POU2F3: variants seen among roughly 807,000 people sequenced by gnomAD.
POU2F3 encodes the protein POU domain, class 2, transcription factor 3.
A neutral mutation model predicts 59.2 loss-of-function variants in POU2F3; 23 were observed. That is an observed-to-expected ratio of 0.39 (90% confidence interval 0.28 to 0.55). The LOEUF (loss-of-function observed/expected upper bound fraction) is 0.55. Among genes scored for constraint, POU2F3 ranks in the 20% least tolerant of loss-of-function variants. The pLI, the probability that POU2F3 is intolerant of heterozygous loss-of-function variation, is 0.66. For missense variants in POU2F3, 473 were observed against 544.5 expected, an observed-to-expected ratio of 0.87 and a Z score of 1.31; for synonymous variants, 190 against 214.6, an observed-to-expected ratio of 0.89 and a Z score of 1.00.
intron 3 of POU2F3, among the ~76,000 whole-genome samples, chr11:120,283,864 G>C (rs1427220954): frequency 6.6e-6 from 1 of 151,634 alleles, no homozygotes; most frequent in African/African-American, 2.4e-5. Flanking sequence ...AAAAGGGTCT[G>C]TATCATATTT....
At chr11:120,303,933 C>T (rs886382583) in intron 6 of POU2F3, 2 of 152,188 alleles carry the variant, frequency 1.3e-5, no homozygotes, top group South Asian at 2.1e-4. Context: ...TCCACTCTAT[C>T]CTTGTGGAAT....
chr11:120,305,129 G>T lies in POU2F3; in HGVS notation c.544G>T (p.Ala182Ser). The stretch of plus-strand genomic sequence containing the variant: ...CAAGCATCTACCCAGCTCTGGAGGG[G>T]CCGATGAGCCCAGTGACCTCGAGGA... ...VPKHLPSSGG[A>S]DEPSDLEELE... Residue 182 changes from alanine to serine, a missense_variant, in exon 7 of 13, where the codon GCC becomes TCC. Physicochemically the swap from Ala to Ser is moderately conservative, Grantham distance 99. Coordinates refer to ENST00000543440, the MANE Select transcript of POU2F3 (RefSeq NM_014352.4). 4.3e-6 allele frequency: 7 copies of T among 1,613,874 alleles called. No homozygotes were observed. The highest frequency in any genetic ancestry group is 1.7e-4 in the Middle Eastern group (1 of 6,060).
intron 3 of POU2F3, among the ~76,000 whole-genome samples, chr11:120,278,756 G>A (rs1940439602): frequency 6.6e-6 from 1 of 152,172 alleles, no homozygotes; most frequent in African/African-American, 2.4e-5. Flanking sequence ...GGACACAAGG[G>A]CCTGTCAGGG....
chr11:120,294,335 C>A (rs144737134), intron 3 of POU2F3, among the ~76,000 whole-genome samples: 1 of 152,198 alleles, frequency 6.6e-6, no homozygotes, highest in Non-Finnish European at 1.5e-5. Flanking sequence ...TGGTGACCCA[C>A]GTCTCCAGGG....
intron 2 of POU2F3, among the ~76,000 whole-genome samples, chr11:120,267,807 T>C (rs1170584608): frequency 3.4e-5 from 2 of 58,546 alleles, no homozygotes; most frequent in African/African-American, 2.6e-4. Flanking sequence ...ATATAGCATA[T>C]TGTATATGCA....
intron 3 of POU2F3, among the ~76,000 whole-genome samples, chr11:120,278,232 A>G (rs756357000): frequency 1.3e-5 from 2 of 152,246 alleles, no homozygotes; most frequent in African/African-American, 4.8e-5. Flanking sequence ...TCATATAAAA[A>G]GTTGTATGGG....
At chr11:120,304,545 G>T (rs1467546088) in intron 6 of POU2F3, among the ~76,000 whole-genome samples, 1 of 152,086 alleles carries the variant, frequency 6.6e-6, no homozygotes, top group Non-Finnish European at 1.5e-5. Context: ...ATGAGTTATT[G>T]GATGTCCCCT....
chr11:120,236,738 C>A (rs114411459), upstream of POU2F3: 24 of 1,446,536 alleles, frequency 1.7e-5, no homozygotes, highest in Non-Finnish European at 2.2e-5. Flanking sequence ...CCCATTCTAG[C>A]TCATCTAACT....
At chr11:120,241,144 C>T (rs2253006) in intron 1 of POU2F3, among the ~76,000 whole-genome samples, 1 of 152,188 alleles carries the variant, frequency 6.6e-6, no homozygotes, top group Admixed American at 6.5e-5. Context: ...TTGGGGCTTC[C>T]TGTTAGGGTG....
intron 12 of POU2F3, among the ~76,000 whole-genome samples, 160 bp from the exon 13 acceptor site, chr11:120,318,193 T>C (rs1941837369): frequency 6.6e-6 from 1 of 152,194 alleles, no homozygotes; most frequent in South Asian, 2.1e-4. Flanking sequence ...TGGTTTTTAG[T>C]ATATTCACAA....
chr11:120,298,001 T>A (rs1338297913), intron 3 of POU2F3, among the ~76,000 whole-genome samples: 1 of 151,030 alleles, frequency 6.6e-6, no homozygotes, highest in Non-Finnish European at 1.5e-5. Flanking sequence ...TGGTCTCAAA[T>A]TCCTACATCG....
intron 3 of POU2F3, among the ~76,000 whole-genome samples, chr11:120,295,154 G>A (rs752501101): frequency 1.2e-4 from 18 of 152,176 alleles, no homozygotes; most frequent in Non-Finnish European, 1.5e-4. Context: ...GAAAGGGTGC[G>A]TTTTCTTTTA....
chr11:120,260,629 C>G (rs116771069), intron 2 of POU2F3, among the ~76,000 whole-genome samples: 3,356 of 152,282 alleles, frequency 0.022, 129 homozygotes, highest in African/African-American at 0.075. Context: ...CATGTTTAAC[C>G]CAAATCCCTC....
Position 120,299,511 on chromosome 11 carries a change from G to T in POU2F3, c.259-113G>T. 4 of 836,052 alleles carry T rather than the reference G, an allele frequency of 4.8e-6. No homozygotes were observed. In the South Asian group the frequency reaches 5.2e-5, roughly 11 times the overall value. The allele number at this position is 836,052 out of a possible 1,614,324, so 51.8% of individuals were successfully genotyped here. On this transcript the variant is annotated intron_variant, in intron 4 of 12. Coordinates refer to ENST00000543440, the MANE Select transcript of POU2F3 (RefSeq NM_014352.4). ...TACACAGTGGCATAAACCAAGGTCA[G>T]CCTGCAAAGTCTCTGAGTCTGGAGA... is the stretch of plus-strand genomic sequence containing the variant.
chr11:120,255,397 T>A (rs1939294149), intron 2 of POU2F3, among the ~76,000 whole-genome samples: 2 of 151,840 alleles, frequency 1.3e-5, no homozygotes, highest in Non-Finnish European at 1.5e-5. Flanking sequence ...GAGAGGAAAC[T>A]GGGTGGTTGC....
intron 3 of POU2F3, among the ~76,000 whole-genome samples, chr11:120,275,817 T>C (rs937603605): frequency 3.3e-5 from 5 of 152,198 alleles, no homozygotes; most frequent in Admixed American, 2.0e-4. Context: ...CGCCAGCTCG[T>C]CCTGAGGAGT....
chr11:120,318,329 G>A, intron 12 of POU2F3, 24 bp from the exon 13 acceptor site: 1 of 1,588,464 alleles, frequency 6.3e-7, no homozygotes, highest in Non-Finnish European at 8.6e-7. Context: ...TTAGCTTTAG[G>A]ATTGACTTCT....
chr11:120,302,948 G>A (rs1408064428), intron 6 of POU2F3: 4 of 152,390 alleles, frequency 2.6e-5, no homozygotes, highest in African/African-American at 9.7e-5. Context: ...TTCTGGCCAG[G>A]TGCAGTCTCA....
chr11:120,302,438 TC>T (rs1275160126), intron 6 of POU2F3, 70 bp downstream of exon 6: 1 of 1,446,488 alleles, frequency 6.9e-7, no homozygotes, highest in Non-Finnish European at 9.7e-7. Flanking sequence ...CTCACTGGTT[TC>T]CCCCTACCCC....
Sources: gnomAD v4.1 joint callset for allele counts (sites outside exome capture counted in the v4.1 genomes callset) on GRCh38, gnomAD v4.1.1 for gene constraint, MANE v1.5 for transcripts, NCBI Gene and HGNC (gene_info 2026-07-23, HGNC 2026-07-21) for gene names.